DLG2: variants seen among roughly 807,000 people sequenced by gnomAD.
The protein encoded by DLG2 is discs large MAGUK scaffold protein 2.
In DLG2, 45 loss-of-function variants were observed where a neutral mutation model predicts 132.5. The observed-to-expected ratio is 0.34, with a 90% CI of 0.27 to 0.44. The LOEUF is 0.44. DLG2 is among the 20% of genes least tolerant of loss of function. DLG2 has a pLI of 1.00. For synonymous variants in DLG2, 424 were observed against 419.6 expected, an observed-to-expected ratio of 1.01 and a Z score of -0.13; for missense variants, 1,045 against 1,196.9, an observed-to-expected ratio of 0.87 and a Z score of 1.87.
chr11:84,759,673 A>G (rs1469935821), intron 6 of DLG2, among the ~76,000 whole-genome samples: 1 of 152,240 alleles, frequency 6.6e-6, no homozygotes, highest in Non-Finnish European at 1.5e-5. Flanking sequence ...AGTGGCCCTA[A>G]TAAAAACACC....
chr11:84,283,960 T>C (rs1247992883), intron 7 of DLG2, among the ~76,000 whole-genome samples: 6 of 152,128 alleles, frequency 3.9e-5, no homozygotes, highest in Non-Finnish European at 8.8e-5. Context: ...CAAAAAATGG[T>C]CCAGGCACGG....
chr11:84,255,601 G>T (rs2097455780), intron 7 of DLG2, among the ~76,000 whole-genome samples: 1 of 152,156 alleles, frequency 6.6e-6, no homozygotes, highest in African/African-American at 2.4e-5. Context: ...GGGAGTACAG[G>T]TGTGAGCCAC....
At chr11:85,025,765 CTTAA>C (rs1161435103) in intron 6 of DLG2, among the ~76,000 whole-genome samples, 4 of 151,960 alleles carry the variant, frequency 2.6e-5, no homozygotes, top group African/African-American at 9.7e-5. Flanking sequence ...TAAACACTAT[CTTAA>C]TTAAACTAGT....
chr11:85,512,555 TG>T (rs2094097645), intron 3 of DLG2, among the ~76,000 whole-genome samples: 1 of 152,120 alleles, frequency 6.6e-6, no homozygotes, highest in Non-Finnish European at 1.5e-5. Context: ...CCTACTTTAC[TG>T]TCACTGTCAA....
chr11:85,482,101 C>T (rs1409962739), intron 3 of DLG2, among the ~76,000 whole-genome samples: 1 of 152,066 alleles, frequency 6.6e-6, no homozygotes, highest in Non-Finnish European at 1.5e-5. Flanking sequence ...CCCTGTGGCC[C>T]CAGGCTGCAG....
chr11:85,440,545 C>T (rs2091727263), intron 3 of DLG2, among the ~76,000 whole-genome samples: 1 of 152,158 alleles, frequency 6.6e-6, no homozygotes, highest in Non-Finnish European at 1.5e-5. Context: ...AGAAGCTTTG[C>T]ACCAAAGTAT....
At chr11:83,813,651 C>G (rs941887479) in intron 17 of DLG2, among the ~76,000 whole-genome samples, 1 of 152,102 alleles carries the variant, frequency 6.6e-6, no homozygotes, top group South Asian at 2.1e-4. Context: ...AAACCTGTTA[C>G]GAACTCTTGC....
chr11:84,539,525 T>C (rs1029314324), intron 6 of DLG2, among the ~76,000 whole-genome samples: 8 of 152,222 alleles, frequency 5.3e-5, no homozygotes, highest in Admixed American at 2.0e-4. Flanking sequence ...CAGTCTGTGC[T>C]TTCTTCTTTT....
At chr11:84,634,125 C>T (rs747419792) in intron 6 of DLG2, among the ~76,000 whole-genome samples, 3 of 152,178 alleles carry the variant, frequency 2.0e-5, no homozygotes, top group South Asian at 2.1e-4. Context: ...GTATGTCAGG[C>T]GATTTGGGTT....
chr11:83,841,850 G>A (rs1478220820), intron 16 of DLG2, among the ~76,000 whole-genome samples: 1 of 152,186 alleles, frequency 6.6e-6, no homozygotes, highest in Non-Finnish European at 1.5e-5. Context: ...TAGGCACTGT[G>A]AATACAAAGA....
At chr11:83,618,341 AG>A (rs1458658327) in intron 19 of DLG2, among the ~76,000 whole-genome samples, 10 of 152,110 alleles carry the variant, frequency 6.6e-5, no homozygotes, top group African/African-American at 2.2e-4. Flanking sequence ...TGTTTATGAG[AG>A]AGATTGGAGT....
At chr11:83,616,237 C>A (rs1230640478) in intron 19 of DLG2, among the ~76,000 whole-genome samples, 1 of 152,120 alleles carries the variant, frequency 6.6e-6, no homozygotes, top group African/African-American at 2.4e-5. Context: ...AACACATGTA[C>A]TCATTACTAT....
At chr11:83,801,212 A>C (rs1056604348) in intron 17 of DLG2, among the ~76,000 whole-genome samples, 2 of 150,604 alleles carry the variant, frequency 1.3e-5, no homozygotes, top group Non-Finnish European at 3.0e-5. Flanking sequence ...CTCTAACTCC[A>C]CCCCATCCCT....
intron 6 of DLG2, among the ~76,000 whole-genome samples, chr11:84,586,224 G>A (rs907389570): frequency 6.8e-6 from 1 of 146,860 alleles, no homozygotes; most frequent in African/African-American, 2.7e-5. Context: ...TATGTGTTCT[G>A]TTTCTGTTTA....
intron 11 of DLG2, among the ~76,000 whole-genome samples, chr11:83,984,509 G>A (rs1044715841): frequency 1.3e-5 from 2 of 151,932 alleles, no homozygotes; most frequent in African/African-American, 4.8e-5. Context: ...TCTACATTGA[G>A]AATTTATGTT....
chr11:85,391,186 G>C (rs1290329088), intron 3 of DLG2, among the ~76,000 whole-genome samples: 1 of 152,006 alleles, frequency 6.6e-6, no homozygotes, highest in Non-Finnish European at 1.5e-5. Context: ...AGAAAACCTA[G>C]AGGACATGGA....
intron 6 of DLG2, among the ~76,000 whole-genome samples, chr11:84,878,035 T>G (rs900949489): frequency 6.6e-6 from 1 of 152,168 alleles, no homozygotes; most frequent in Non-Finnish European, 1.5e-5. Context: ...CCAGTGAGAA[T>G]GGCAATCATT....
chr11:85,196,138 G>C (rs2081049881), intron 4 of DLG2, among the ~76,000 whole-genome samples: 1 of 152,134 alleles, frequency 6.6e-6, no homozygotes. Flanking sequence ...CCATAAAGTT[G>C]TTGCTCAAGG....
chr11:84,183,054 T>C (rs993361646), intron 8 of DLG2, among the ~76,000 whole-genome samples: 2 of 152,150 alleles, frequency 1.3e-5, no homozygotes, highest in African/African-American at 4.8e-5. Flanking sequence ...AAACAGACCA[T>C]GTGAATAGGC....
Sources: gnomAD v4.1 joint callset for allele counts (sites outside exome capture counted in the v4.1 genomes callset) on GRCh38, gnomAD v4.1.1 for gene constraint, MANE v1.5 for transcripts, NCBI Gene and HGNC (gene_info 2026-07-23, HGNC 2026-07-21) for gene names.